NHSL1: variants seen among roughly 807,000 people sequenced by gnomAD.
NHSL1 encodes NHS-like protein 1.
Under a neutral mutation model 95.0 loss-of-function variants are expected in NHSL1, and 48 were observed. That is an observed-to-expected ratio of 0.51 (90% CI 0.40 to 0.64). The LOEUF (loss-of-function observed/expected upper bound fraction) is 0.64. NHSL1 is among the 30% of genes least tolerant of loss of function. The pLI is 0.00. For missense variants in NHSL1, 1,971 were observed against 2,077.7 expected, an observed-to-expected ratio of 0.95 and a Z score of 1.00; for synonymous variants, 783 against 833.9, an observed-to-expected ratio of 0.94 and a Z score of 1.05.
At chr6:138,433,724 C>A in intron 5 of NHSL1, 44 bp from the exon 6 acceptor site, 1 of 1,473,018 alleles carries the variant, frequency 6.8e-7, no homozygotes. Context: ...AAAATAAAAT[C>A]CATAGTTCAT....
At chr6:138,454,441 G>C (rs1452567171) in intron 3 of NHSL1, among the ~76,000 whole-genome samples, 1 of 152,082 alleles carries the variant, frequency 6.6e-6, no homozygotes, top group Non-Finnish European at 1.5e-5. Context: ...CCCCATAAGA[G>C]AATGAGAATG....
chr6:138,510,184 T>C (rs1781153741), intron 1 of NHSL1, among the ~76,000 whole-genome samples: 1 of 152,226 alleles, frequency 6.6e-6, no homozygotes, highest in Admixed American at 6.5e-5. Context: ...ATTAACTGGC[T>C]GTTCAGTTTT....
At chr6:138,641,341 CT>C (rs1333603321) in intron 1 of NHSL1, among the ~76,000 whole-genome samples, 1 of 152,086 alleles carries the variant, frequency 6.6e-6, no homozygotes, top group African/African-American at 2.4e-5. Flanking sequence ...TGAATACACC[CT>C]TATAAAATGT....
intron 3 of NHSL1, among the ~76,000 whole-genome samples, chr6:138,466,044 G>A (rs560389612): frequency 7.1e-6 from 1 of 141,138 alleles, no homozygotes; most frequent in Non-Finnish European, 1.5e-5. Context: ...TCCTTTTTGG[G>A]GGGGGGGCAG....
Position 138,432,918 on chromosome 6 carries a change from G to A in NHSL1, c.1427C>T (p.Ala476Val), listed in dbSNP as rs1440752722. Residue 476 changes from alanine to valine, a missense_variant, in exon 6 of 8, where the codon GCC becomes GTC. Transcript: ENST00000343505. This position sits in a 1 kb window ranked among gnomAD's most constrained non-coding sequence, Gnocchi z 4.4. Reference sequence around the variant, plus strand: ...GTCTAAGTCCTGTGAAAGAATGGTGGCATGGCCCTCATTCCAGTGGCGACC... The same window carrying A: ...GTCTAAGTCCTGTGAAAGAATGGTGACATGGCCCTCATTCCAGTGGCGACC... ...SPGRHWNEGH[A>V]TILSQDLDPH... 6 of 1,551,484 alleles carry A rather than the reference G, an allele frequency of 3.9e-6. No individual in the cohort carries two copies. The Admixed American group carries it at 7.8e-5, about 20-fold the overall frequency.
At chr6:138,449,186 A>G (rs367795995) in intron 3 of NHSL1, among the ~76,000 whole-genome samples, 12 of 152,190 alleles carry the variant, frequency 7.9e-5, no homozygotes, top group Non-Finnish European at 1.2e-4. Flanking sequence ...GAAAAAGATT[A>G]GGCAAGAGCT....
At position 138,473,448 on chromosome 6, in the gene NHSL1, G is replaced by A. The variant is rs191690754; in HGVS notation, c.212-15C>T. ...CTTATCGCATTCTGCAGAGGGGCAC[G>A]CAGGGAGGGGAAGGAGGCCATTAAA... On this transcript the variant is annotated splice_polypyrimidine_tract_variant and intron_variant, in intron 2 of 7. Transcript: ENST00000343505. 360 of 1,410,978 alleles carry A rather than the reference G, an allele frequency of 2.6e-4. No individual in the cohort carries two copies. In the African/African-American group the frequency reaches 3.9e-3, roughly 15 times the overall value. 87.4% of individuals were successfully genotyped at this position (1,410,978 alleles called of 1,614,324 possible). A position where few individuals can be genotyped will look rare whatever the true frequency, so the allele number is the denominator to read the frequency against.
intron 1 of NHSL1, among the ~76,000 whole-genome samples, chr6:138,654,961 G>A (rs1490149810): frequency 6.6e-6 from 1 of 152,168 alleles, no homozygotes; most frequent in Non-Finnish European, 1.5e-5. Context: ...TGCTCTATAA[G>A]CTTTGATTTT....
Position 138,431,203 on chromosome 6 carries a change from GGGA to G in NHSL1, c.3139_3141del (p.Ser1047del), listed in dbSNP as rs1562258682. The G allele has an allele frequency of 6.5e-7, 1 of 1,539,942 alleles. No homozygotes were observed. The highest frequency in any genetic ancestry group is 1.4e-5 in the African/African-American group (1 of 72,722). On this transcript the variant is annotated inframe_deletion, in exon 6 of 8. Transcript: ENST00000343505. The surrounding 1 kb of genome is among the most constrained non-coding windows in gnomAD (Gnocchi z 4.0). ...GTAGAAGGCGGCCTCAAGGATCCCC[GGGA>G]GGATTCTGGCTGGCCAGAATTTGTG...
intron 1 of NHSL1, among the ~76,000 whole-genome samples, chr6:138,625,214 C>T (rs1784720464): frequency 6.6e-6 from 1 of 152,100 alleles, no homozygotes; most frequent in African/African-American, 2.4e-5. Flanking sequence ...GTGATCTCAG[C>T]TCACTGCAAC....
chr6:138,622,688 T>C (rs764247019), intron 1 of NHSL1, among the ~76,000 whole-genome samples: 7 of 152,326 alleles, frequency 4.6e-5, no homozygotes, highest in East Asian at 1.9e-4. Flanking sequence ...AGCTATCTTT[T>C]AGTAATTCCA....
rs1775054600 is a variant in NHSL1, at chr6:138,423,721, T to G, written c.*360A>C. ...TCTACCAAGCTTAAGTCTGGCTTGC[T>G]TTCTTCTATTTCTGTACATGTTGTT... On this transcript the variant is annotated 3_prime_UTR_variant, in exon 8 of 8. Coordinates refer to ENST00000343505, the MANE Select transcript of NHSL1 (RefSeq NM_001144060.2). The G allele has an allele frequency of 5.6e-6, 1 of 178,782 alleles. No individual in the cohort carries two copies. Among genetic ancestry groups the G allele is most frequent in the Non-Finnish European group, 1.2e-5 (1 of 86,434 alleles). The allele number at this position is 178,782 out of a possible 1,614,324, so 11.1% of individuals were successfully genotyped here.
At chr6:138,679,740 A>G (rs1400791859) in intron 1 of NHSL1, among the ~76,000 whole-genome samples, 1 of 152,166 alleles carries the variant, frequency 6.6e-6, no homozygotes, top group Non-Finnish European at 1.5e-5. Context: ...TGTCAGAGAG[A>G]TGCACCCCAA....
intron 1 of NHSL1, among the ~76,000 whole-genome samples, chr6:138,558,437 T>TC (rs1783282805): frequency 6.9e-6 from 1 of 145,810 alleles, no homozygotes; most frequent in African/African-American, 2.6e-5. Flanking sequence ...TTTTTTTTTT[T>TC]CCCTGAGACA....
chr6:138,643,131 A>G (rs1784978131), intron 1 of NHSL1, among the ~76,000 whole-genome samples: 3 of 152,236 alleles, frequency 2.0e-5, no homozygotes, highest in Non-Finnish European at 4.4e-5. Context: ...GCTACCATTT[A>G]CTGAGGGCTT....
chr6:138,446,330 C>T (rs1024933529), intron 4 of NHSL1, among the ~76,000 whole-genome samples: 4 of 152,180 alleles, frequency 2.6e-5, no homozygotes, highest in Non-Finnish European at 5.9e-5. Flanking sequence ...AGCCACCACG[C>T]CCAGCCAATT....
intron 1 of NHSL1, among the ~76,000 whole-genome samples, chr6:138,519,331 T>TA (rs1781581600): frequency 6.6e-6 from 1 of 152,130 alleles, no homozygotes; most frequent in Admixed American, 6.5e-5. Context: ...GCAATGACCT[T>TA]AAAAAAATGT....
At chr6:138,626,914 A>AAAAG (rs1223369318) in intron 1 of NHSL1, among the ~76,000 whole-genome samples, 1 of 69,992 alleles carries the variant, frequency 1.4e-5, no homozygotes, top group Admixed American at 1.3e-4. Context: ...AAAAAAAAAA[A>AAAAG]AAAAAAAAAA....
chr6:138,432,053 T>C lies in NHSL1; in HGVS notation c.2292A>G (p.Pro764=), dbSNP rs754888685. 9.0e-6 allele frequency: 14 copies of C among 1,551,622 alleles called. No homozygotes were observed. In the South Asian group the frequency reaches 1.4e-4, roughly 16 times the overall value. ...PNVYSLCGAT[P]SQSDTSSVKS... ...TGACGCTGCTTGTGTCACTCTGCGA[T>C]GGCGTGGCCCCGCACAGGGAGTAGA... The change falls in exon 6 of 8, where the codon CCA becomes CCG. Residue 764 remains proline (P), a synonymous_variant. Coordinates refer to ENST00000343505, the MANE Select transcript of NHSL1 (RefSeq NM_001144060.2). This position sits in a 1 kb window ranked among gnomAD's most constrained non-coding sequence, Gnocchi z 4.4.
Sources: allele counts gnomAD v4.1 joint callset (sites outside exome capture counted in the v4.1 genomes callset), GRCh38; gene constraint gnomAD v4.1.1; non-coding constraint Gnocchi (gnomAD v3.1); transcripts MANE v1.5; gene names NCBI Gene and HGNC (gene_info 2026-07-23, HGNC 2026-07-21).